The following APBB1IP variants were observed in gnomAD, a reference collection of about 807,000 sequenced individuals.
APBB1IP encodes the protein amyloid beta A4 precursor protein-binding family B member 1-interacting protein.
In APBB1IP, 27 loss-of-function variants were observed where a neutral mutation model predicts 64.9. That is an observed-to-expected ratio of 0.42 (90% CI 0.31 to 0.57). The LOEUF is 0.57. APBB1IP is among the 20% of genes least tolerant of loss of function. The probability of loss-of-function intolerance (pLI) is 0.20; values close to 1 mark genes in which losing one functional copy is unlikely to be tolerated. For synonymous variants in APBB1IP, 392 were observed against 331.0 expected (o/e 1.18, Z -2.00); for missense variants, 812 against 845.5 (o/e 0.96, Z 0.49).
intron 8 of APBB1IP, among the ~76,000 whole-genome samples, chr10:26,518,475 G>C (rs1174493866): frequency 1.3e-5 from 2 of 152,080 alleles, no homozygotes; most frequent in African/African-American, 4.8e-5. Context: ...AATATGTTTA[G>C]TTATAGTAGA....
intron 2 of APBB1IP, among the ~76,000 whole-genome samples, chr10:26,452,903 C>T (rs1474288908): frequency 7.7e-6 from 1 of 130,618 alleles, no homozygotes; most frequent in Admixed American, 8.2e-5. Flanking sequence ...TGAGAACATG[C>T]AGTATTTGAA....
rs1310259356 is a variant in APBB1IP at position 26,500,949 on chromosome 10, A to G, written c.291A>G (p.Ala97=). 1.9e-6 allele frequency: 3 copies of G among 1,614,208 alleles called. No homozygotes were observed. Among genetic ancestry groups the G allele is most frequent in the South Asian group, 1.1e-5 (1 of 91,088 alleles). ...KESLQNQHHS[A]SLQASIFSGA... ...CCTTGCAGAATCAACATCATTCAGC[A>G]TCTCTACAAGCATCAATTTTCAGTG... Residue 97 remains alanine (A), a synonymous_variant, in exon 5 of 15, where the codon GCA becomes GCG. Coordinates refer to ENST00000376236, the MANE Select transcript of APBB1IP (RefSeq NM_019043.4).
At chr10:26,496,003 AGT>A (rs1414786071) in intron 3 of APBB1IP, among the ~76,000 whole-genome samples, 4 of 144,482 alleles carry the variant, frequency 2.8e-5, no homozygotes, top group African/African-American at 5.1e-5. Flanking sequence ...ATATATATAT[AGT>A]GTGTGTGTTC....
intron 5 of APBB1IP, chr10:26,501,806 C>T (rs1199899184): frequency 1.3e-5 from 2 of 152,286 alleles, no homozygotes; most frequent in Non-Finnish European, 2.9e-5. Flanking sequence ...CCTGTGGCTT[C>T]TACAATGGTC....
Position 26,536,222 on chromosome 10 carries a change from GAA to G in APBB1IP, c.1044+20_1044+21del, listed in dbSNP as rs71521689. 52,349 of 1,317,640 alleles carry G rather than the reference GAA, an allele frequency of 0.04. 51 individuals are homozygous for G. Among genetic ancestry groups the G allele is most frequent in the South Asian group, 0.09 (5,687 of 63,490 alleles). 81.6% of individuals were successfully genotyped at this position (1,317,640 alleles called of 1,614,324 possible). A position where few individuals can be genotyped will look rare whatever the true frequency, so the allele number is the denominator to read the frequency against. ...GTACCCAAAGGAAAGACTAAGGTCA[GAA>G]AAAAAAAAAAAAAAGCACTTAGCAA... is the stretch of plus-strand genomic sequence containing the variant. On this transcript the variant is annotated splice_donor_region_variant and intron_variant, in intron 10 of 14. Transcript: ENST00000376236.
chr10:26,461,030 C>G (rs1205527522), intron 2 of APBB1IP, among the ~76,000 whole-genome samples: 1 of 152,072 alleles, frequency 6.6e-6, no homozygotes, highest in Non-Finnish European at 1.5e-5. Context: ...TGCAAGGGAG[C>G]CTGGGAAACA....
chr10:26,463,570 T>C (rs1423715334), intron 2 of APBB1IP, among the ~76,000 whole-genome samples: 1 of 152,158 alleles, frequency 6.6e-6, no homozygotes, highest in Non-Finnish European at 1.5e-5. Context: ...GTCCCAAGCT[T>C]TCTGGGCACT....
At chr10:26,511,675 T>C in intron 6 of APBB1IP, 72 bp from the exon 7 acceptor site, 1 of 1,564,274 alleles carries the variant, frequency 6.4e-7, no homozygotes, top group Non-Finnish European at 8.7e-7. Flanking sequence ...CAATAGCAAC[T>C]TTGAAACCCT....
intron 11 of APBB1IP, among the ~76,000 whole-genome samples, chr10:26,556,921 T>C (rs1455895508): frequency 6.6e-6 from 1 of 152,162 alleles, no homozygotes; most frequent in Non-Finnish European, 1.5e-5. Flanking sequence ...GAGCCGTGTT[T>C]CTGGTGCTGA....
At chr10:26,440,081 A>G (rs1389081534) in intron 2 of APBB1IP, among the ~76,000 whole-genome samples, 3 of 152,224 alleles carry the variant, frequency 2.0e-5, no homozygotes, top group Non-Finnish European at 2.9e-5. Flanking sequence ...TCCTTAAACT[A>G]TTAATAATGT....
intron 2 of APBB1IP, among the ~76,000 whole-genome samples, chr10:26,451,205 A>G (rs11015117): frequency 0.4 from 60,738 of 152,076 alleles, 12,290 homozygotes; most frequent in South Asian, 0.5. Context: ...GACATGGAAG[A>G]CATTAAGGAA....
At chr10:26,537,371 T>C (rs1836638557) in intron 10 of APBB1IP, among the ~76,000 whole-genome samples, 1 of 152,146 alleles carries the variant, frequency 6.6e-6, no homozygotes, top group South Asian at 2.1e-4. Flanking sequence ...AAGGAGACTC[T>C]TGTCTCTATC....
chr10:26,534,668 C>G (rs917242933), intron 9 of APBB1IP, among the ~76,000 whole-genome samples: 2 of 152,156 alleles, frequency 1.3e-5, no homozygotes, highest in African/African-American at 4.8e-5. Context: ...AAGCAGCTAC[C>G]AGAACCAGCT....
chr10:26,482,250 G>A (rs541519107), intron 2 of APBB1IP, among the ~76,000 whole-genome samples: 2 of 152,268 alleles, frequency 1.3e-5, no homozygotes, highest in Admixed American at 1.3e-4. Flanking sequence ...TTAGTTCTCT[G>A]TTGAGTGAAT....
intron 2 of APBB1IP, among the ~76,000 whole-genome samples, chr10:26,472,305 G>C (rs939076704): frequency 6.6e-6 from 1 of 152,198 alleles, no homozygotes; most frequent in Non-Finnish European, 1.5e-5. Flanking sequence ...GCATCCACAG[G>C]AAAGAGGCCT....
intron 2 of APBB1IP, among the ~76,000 whole-genome samples, chr10:26,480,940 G>A (rs1458474645): frequency 1.3e-5 from 2 of 152,060 alleles, no homozygotes; most frequent in Non-Finnish European, 2.9e-5. Context: ...AATACAACAT[G>A]ATAAACAGAG....
At chr10:26,503,499 G>A (rs1387708440) in intron 6 of APBB1IP, among the ~76,000 whole-genome samples, 1 of 152,150 alleles carries the variant, frequency 6.6e-6, no homozygotes, top group African/African-American at 2.4e-5. Flanking sequence ...GCTGGGCGTG[G>A]TGGCAGGTGC....
intron 2 of APBB1IP, among the ~76,000 whole-genome samples, chr10:26,445,589 C>A (rs11595895): frequency 0.32 from 48,435 of 151,878 alleles, 8,303 homozygotes; most frequent in Non-Finnish European, 0.39. Context: ...AGACTTTATG[C>A]AATACAAGGC....
At chr10:26,485,674 A>G (rs1429053754) in intron 2 of APBB1IP, among the ~76,000 whole-genome samples, 2 of 152,206 alleles carry the variant, frequency 1.3e-5, no homozygotes, top group Non-Finnish European at 2.9e-5. Flanking sequence ...TATTTTATAG[A>G]CAAGGAAACT....
Sources: gnomAD v4.1 joint callset for allele counts (sites outside exome capture counted in the v4.1 genomes callset) on GRCh38, gnomAD v4.1.1 for gene constraint, MANE v1.5 for transcripts, NCBI Gene and HGNC (gene_info 2026-07-23, HGNC 2026-07-21) for gene names.